SH3RF3: variants seen among roughly 807,000 people sequenced by gnomAD.
SH3RF3 encodes E3 ubiquitin-protein ligase SH3RF3.
In SH3RF3, 29 loss-of-function variants were observed where a neutral mutation model predicts 66.3. The ratio of observed to expected loss-of-function variants is 0.44; its 90% CI spans 0.33 to 0.60. The LOEUF is 0.60. Ranked by LOEUF, SH3RF3 falls within the 20% of genes least tolerant of loss-of-function variation. The pLI, the probability that SH3RF3 is intolerant of heterozygous loss-of-function variation, is 0.04. For synonymous variants in SH3RF3, 583 were observed against 532.0 expected (o/e 1.10, Z -1.32); for missense variants, 1,194 against 1,190.9 (o/e 1.00, Z -0.04).
At chr2:109,249,538 TCCTTCCTTCC>T (rs1680023050) in intron 1 of SH3RF3, among the ~76,000 whole-genome samples, 1 of 112,242 alleles carries the variant, frequency 8.9e-6, no homozygotes, top group Non-Finnish European at 1.9e-5. Flanking sequence ...TTTCTTTCCT[TCCTTCCTTCC>T]TTCCTTCCTT....
In SH3RF3 at chr2:109,259,439, G is replaced by A. The variant is rs573506600; in HGVS notation, c.574-88235G>A. Among the ~76,000 whole-genome samples, 53 of 152,380 alleles carry A rather than the reference G, an allele frequency of 3.5e-4. No homozygotes were observed. In the South Asian group the frequency reaches 5.6e-3, roughly 16 times the overall value. ...TCTGTTGTGATTTCTGCTGGGTTGT[G>A]TGACGGTGGTGCATTGGCTATTGTG... is the stretch of plus-strand genomic sequence containing the variant. On this transcript the variant is annotated intron_variant, in intron 1 of 9. Coordinates refer to ENST00000309415, the MANE Select transcript of SH3RF3 (RefSeq NM_001099289.3).
At chr2:109,155,312 T>G (rs1018812225) in intron 1 of SH3RF3, among the ~76,000 whole-genome samples, 2 of 152,206 alleles carry the variant, frequency 1.3e-5, no homozygotes, top group Admixed American at 6.5e-5. Flanking sequence ...TGTTTTGTTT[T>G]GTTTTAGAGA....
intron 1 of SH3RF3, among the ~76,000 whole-genome samples, chr2:109,319,998 T>C (rs1054466632): frequency 3.3e-5 from 5 of 152,158 alleles, no homozygotes; most frequent in Non-Finnish European, 5.9e-5. Context: ...TGGGGGGTGC[T>C]ATTCTGGAGG....
At chr2:109,317,416 A>T (rs1441502340) in intron 1 of SH3RF3, among the ~76,000 whole-genome samples, 2 of 152,032 alleles carry the variant, frequency 1.3e-5, no homozygotes, top group African/African-American at 4.8e-5. Context: ...GTTAGCGCTC[A>T]GAAGGGACAC....
chr2:109,163,007 G>C (rs186079287), intron 1 of SH3RF3, among the ~76,000 whole-genome samples: 2 of 152,274 alleles, frequency 1.3e-5, no homozygotes. Flanking sequence ...CCTTTGATTT[G>C]GAGGGAAAAG....
At chr2:109,438,024 C>G (rs1278265224) in intron 7 of SH3RF3, among the ~76,000 whole-genome samples, 1 of 152,180 alleles carries the variant, frequency 6.6e-6, no homozygotes, top group Non-Finnish European at 1.5e-5. Flanking sequence ...CAAAGTGAGG[C>G]TTAAAGGGCA....
chr2:109,366,527 A>C (rs868380933), intron 2 of SH3RF3, among the ~76,000 whole-genome samples: 2 of 152,236 alleles, frequency 1.3e-5, no homozygotes, highest in African/African-American at 2.4e-5. Flanking sequence ...CTTGAGGAGA[A>C]TATCTCTGTA....
At chr2:109,458,690 G>A (rs1678133239) in intron 8 of SH3RF3, among the ~76,000 whole-genome samples, 1 of 152,210 alleles carries the variant, frequency 6.6e-6, no homozygotes, top group African/African-American at 2.4e-5. Context: ...CCTCAGTCAG[G>A]AGTTGCTGTG....
At chr2:109,483,591 C>T (rs546463428) in intron 8 of SH3RF3, among the ~76,000 whole-genome samples, 16 of 152,292 alleles carry the variant, frequency 1.1e-4, no homozygotes, top group South Asian at 2.1e-4. Context: ...TCTGCTGTGT[C>T]GGCCAAAATA....
chr2:109,463,333 G>C (rs955201346), intron 8 of SH3RF3, among the ~76,000 whole-genome samples: 12 of 152,156 alleles, frequency 7.9e-5, no homozygotes, highest in Non-Finnish European at 4.4e-5. Flanking sequence ...CCACCTGGTC[G>C]GCCTTGTCTT....
intron 1 of SH3RF3, among the ~76,000 whole-genome samples, chr2:109,261,743 C>T (rs755412069): frequency 2.0e-5 from 3 of 152,092 alleles, no homozygotes; most frequent in Admixed American, 1.3e-4. Flanking sequence ...TCAGTGTAAT[C>T]GGCAGGCATT....
Position 109,181,468 on chromosome 2 carries a change from G to A in SH3RF3, c.573+51355G>A, listed in dbSNP as rs556585409. ...GCTGTAAGGGTTTGTGTGAAGAAAG[G>A]ATTCCACTGGTGTAACACACACACA... On this transcript the variant is annotated intron_variant, in intron 1 of 9. Coordinates refer to ENST00000309415, the MANE Select transcript of SH3RF3 (RefSeq NM_001099289.3). Among the ~76,000 whole-genome samples, 8 of 152,170 alleles carry A rather than the reference G, an allele frequency of 5.3e-5. No individual in the cohort carries two copies. In the East Asian group the frequency reaches 1.5e-3, roughly 29 times the overall value.
intron 1 of SH3RF3, among the ~76,000 whole-genome samples, chr2:109,322,980 G>A (rs1682062833): frequency 6.6e-6 from 1 of 152,222 alleles, no homozygotes; most frequent in African/African-American, 2.4e-5. Flanking sequence ...AAATCTGACT[G>A]TGGGCAAGGC....
At chr2:109,155,789 G>A (rs1677333793) in intron 1 of SH3RF3, among the ~76,000 whole-genome samples, 1 of 152,210 alleles carries the variant, frequency 6.6e-6, no homozygotes, top group East Asian at 1.9e-4. Context: ...GTGCTGGTGT[G>A]TGTGAATAAC....
intron 1 of SH3RF3, among the ~76,000 whole-genome samples, chr2:109,191,357 A>G (rs568640137): frequency 3.9e-5 from 6 of 152,388 alleles, no homozygotes; most frequent in Non-Finnish European, 7.3e-5. Flanking sequence ...GGGGCCTTGC[A>G]GTACCAGCGG....
chr2:109,201,071 G>A (rs745730427), intron 1 of SH3RF3, among the ~76,000 whole-genome samples: 7 of 152,182 alleles, frequency 4.6e-5, no homozygotes, highest in Non-Finnish European at 8.8e-5. Flanking sequence ...TGAAGCAGCC[G>A]TGCTCAGGGA....
intron 1 of SH3RF3, among the ~76,000 whole-genome samples, chr2:109,314,571 A>G (rs771002474): frequency 7.2e-5 from 11 of 152,224 alleles, no homozygotes; most frequent in Non-Finnish European, 1.5e-4. Context: ...TATTCCTGCC[A>G]CTTCATAAAT....
intron 8 of SH3RF3, among the ~76,000 whole-genome samples, chr2:109,451,508 C>A (rs1056592069): frequency 3.3e-5 from 5 of 152,182 alleles, no homozygotes; most frequent in Non-Finnish European, 7.3e-5. Flanking sequence ...TTCAATAATA[C>A]CATTGCTGAG....
intron 6 of SH3RF3, 108 bp downstream of exon 6, chr2:109,432,779 G>T: frequency 7.1e-7 from 1 of 1,413,416 alleles, no homozygotes; most frequent in African/African-American, 1.4e-5. Flanking sequence ...CCAGAAGGCA[G>T]CAAGGCCACC....
Sources: gnomAD v4.1 joint callset for allele counts (sites outside exome capture counted in the v4.1 genomes callset) on GRCh38, gnomAD v4.1.1 for gene constraint, MANE v1.5 for transcripts, NCBI Gene and HGNC (gene_info 2026-07-23, HGNC 2026-07-21) for gene names.